Variants in CDH13 observed in about 807,000 individuals in gnomAD.
CDH13 encodes the protein cadherin 13, also known as cadherin-13.
A neutral mutation model predicts 63.8 loss-of-function variants in CDH13; 24 were observed. That is an observed-to-expected ratio of 0.38 (90% CI 0.27 to 0.53). CDH13 has a LOEUF of 0.53. Ranked by LOEUF, CDH13 falls within the 20% of genes least tolerant of loss-of-function variation. CDH13 has a pLI of 0.85. For missense variants in CDH13, 1,049 were observed against 903.1 expected, an observed-to-expected ratio of 1.16 and a Z score of -2.07; for synonymous variants, 503 against 355.3, an observed-to-expected ratio of 1.42 and a Z score of -4.67.
chr16:83,295,966 T>G (rs764178826), intron 5 of CDH13, among the ~76,000 whole-genome samples: 1 of 152,210 alleles, frequency 6.6e-6, no homozygotes, highest in Non-Finnish European at 1.5e-5. Flanking sequence ...TATTTTTAAT[T>G]GAAAGAATTA....
chr16:83,308,727 C>T (rs993082257), intron 5 of CDH13, among the ~76,000 whole-genome samples: 16 of 152,180 alleles, frequency 1.1e-4, no homozygotes, highest in African/African-American at 3.1e-4. Flanking sequence ...CCCTCACCGC[C>T]GTCTCCATAT....
intron 5 of CDH13, among the ~76,000 whole-genome samples, chr16:83,237,253 G>C (rs1156428516): frequency 3.9e-5 from 6 of 152,186 alleles, no homozygotes; most frequent in Admixed American, 3.9e-4. Context: ...GAGCTGAGTG[G>C]GCACCCACCC....
intron 6 of CDH13, among the ~76,000 whole-genome samples, chr16:83,366,946 T>G (rs2091269003): frequency 6.6e-6 from 1 of 152,222 alleles, no homozygotes; most frequent in Non-Finnish European, 1.5e-5. Flanking sequence ...CTTCTTTGTT[T>G]TTGGCATATA....
chr16:82,821,769 A>G (rs1337155711), intron 1 of CDH13, among the ~76,000 whole-genome samples: 1 of 152,202 alleles, frequency 6.6e-6, no homozygotes, highest in African/African-American at 2.4e-5. Context: ...AAAAATAAAT[A>G]CTTGCTCTGA....
At chr16:82,963,274 G>T (rs1465234081) in intron 2 of CDH13, among the ~76,000 whole-genome samples, 1 of 152,090 alleles carries the variant, frequency 6.6e-6, no homozygotes, top group Non-Finnish European at 1.5e-5. Context: ...AGCTACTAGG[G>T]AGGCTGAGGC....
At chr16:83,353,906 C>T (rs1030876805) in intron 6 of CDH13, among the ~76,000 whole-genome samples, 3 of 152,114 alleles carry the variant, frequency 2.0e-5, no homozygotes, top group Admixed American at 6.5e-5. Context: ...TAGGCCCAAG[C>T]CGGGAGTCAT....
At chr16:83,340,327 T>TGTATGTGCGC (rs60138712) in intron 5 of CDH13, among the ~76,000 whole-genome samples, 1 of 151,900 alleles carries the variant, frequency 6.6e-6, no homozygotes, top group Non-Finnish European at 1.5e-5. Flanking sequence ...TGTGTGTGTG[T>TGTATGTGCGC]ATGTGCGCAT....
intron 2 of CDH13, among the ~76,000 whole-genome samples, chr16:82,992,528 A>C (rs185547454): frequency 6.6e-6 from 1 of 152,326 alleles, no homozygotes; most frequent in African/African-American, 2.4e-5. Context: ...GAGATAATCT[A>C]ACATTCTCAG....
intron 5 of CDH13, among the ~76,000 whole-genome samples, chr16:83,293,956 A>G (rs1474245439): frequency 6.6e-6 from 1 of 152,180 alleles, no homozygotes; most frequent in Non-Finnish European, 1.5e-5. Flanking sequence ...TACAGGTATT[A>G]TTGTTGCCCC....
intron 1 of CDH13, among the ~76,000 whole-genome samples, chr16:82,635,666 G>C (rs1458875137): frequency 1.3e-5 from 2 of 152,202 alleles, no homozygotes; most frequent in Non-Finnish European, 2.9e-5. Flanking sequence ...ATCATGGGAA[G>C]CTGGATTCAG....
At chr16:83,250,888 G>A (rs1905447360) in intron 5 of CDH13, among the ~76,000 whole-genome samples, 2 of 152,154 alleles carry the variant, frequency 1.3e-5, no homozygotes, top group Admixed American at 1.3e-4. Context: ...TGCAAAACCA[G>A]TGACACTGTT....
At chr16:83,769,979 C>T (rs1475312641) in intron 11 of CDH13, among the ~76,000 whole-genome samples, 1 of 152,176 alleles carries the variant, frequency 6.6e-6, no homozygotes, top group Non-Finnish European at 1.5e-5. Flanking sequence ...GGAACTGGGC[C>T]AGGGTGCAGC....
intron 3 of CDH13, among the ~76,000 whole-genome samples, chr16:83,113,958 T>A (rs921810528): frequency 3.3e-5 from 5 of 151,510 alleles, no homozygotes; most frequent in African/African-American, 9.8e-5. Context: ...GTAGGCTTAA[T>A]GACGGGGAGA....
At chr16:83,755,602 T>C (rs995767128) in intron 11 of CDH13, among the ~76,000 whole-genome samples, 41 of 152,262 alleles carry the variant, frequency 2.7e-4, no homozygotes, top group Non-Finnish European at 5.4e-4. Context: ...CAATATGACT[T>C]ATGGCTGACT....
intron 1 of CDH13, among the ~76,000 whole-genome samples, chr16:82,694,199 T>C (rs1441701119): frequency 2.6e-5 from 4 of 152,234 alleles, no homozygotes; most frequent in African/African-American, 9.6e-5. Context: ...CAGATATGGA[T>C]ACTTTTATAG....
chr16:83,117,281 C>T (rs574383727), intron 3 of CDH13, among the ~76,000 whole-genome samples: 49 of 152,298 alleles, frequency 3.2e-4, no homozygotes, highest in African/African-American at 7.0e-4. Flanking sequence ...CACCTCACAG[C>T]GCTCACCTTG....
chr16:83,278,621 C>T (rs1303957649), intron 5 of CDH13, among the ~76,000 whole-genome samples: 1 of 152,222 alleles, frequency 6.6e-6, no homozygotes, highest in Non-Finnish European at 1.5e-5. Flanking sequence ...TCCGTTCTCT[C>T]TTTCAACCAT....
At chr16:83,422,407 T>G (rs756200716) in intron 6 of CDH13, among the ~76,000 whole-genome samples, 1 of 152,244 alleles carries the variant, frequency 6.6e-6, no homozygotes, top group Non-Finnish European at 1.5e-5. Context: ...CAATTCTAAG[T>G]TGGACACTGG....
At chr16:83,174,868 C>A (rs990061431) in intron 4 of CDH13, among the ~76,000 whole-genome samples, 1 of 152,070 alleles carries the variant, frequency 6.6e-6, no homozygotes, top group Non-Finnish European at 1.5e-5. Context: ...CCAAGGAGAA[C>A]TGCCAAACAC....
Sources: allele counts gnomAD v4.1 joint callset (sites outside exome capture counted in the v4.1 genomes callset), GRCh38; gene constraint gnomAD v4.1.1; transcripts MANE v1.5; gene names NCBI Gene and HGNC (gene_info 2026-07-23, HGNC 2026-07-21).